NTN4: variants seen among roughly 807,000 people sequenced by gnomAD.
The protein encoded by NTN4 is netrin 4, also known as netrin-4.
A neutral mutation model predicts 73.6 loss-of-function variants in NTN4; 32 were observed. The ratio of observed to expected loss-of-function variants is 0.44; its 90% CI spans 0.33 to 0.58. NTN4 has a LOEUF of 0.58. Among genes scored for constraint, NTN4 ranks in the 20% least tolerant of loss-of-function variants. The probability of loss-of-function intolerance (pLI) is 0.04; values close to 1 mark genes in which losing one functional copy is unlikely to be tolerated. For missense variants in NTN4, 654 were observed against 798.3 expected (o/e 0.82, Z 2.18); for synonymous variants, 258 against 287.5 (o/e 0.90, Z 1.04).
intron 5 of NTN4, 29 bp downstream of exon 5, chr12:95,710,412 C>T: frequency 1.3e-6 from 2 of 1,579,692 alleles, no homozygotes; most frequent in Non-Finnish European, 8.7e-7. Context: ...ACAAATCAGC[C>T]TATTTTCTGG....
Position 95,787,073 on chromosome 12 carries a change from C to T in NTN4, c.451G>A (p.Gly151Arg). Residue 151 changes from glycine (G) to arginine (R), a missense_variant, in exon 2 of 10, where the codon GGG becomes AGG. Physicochemically the swap from Gly to Arg is moderately radical, Grantham distance 125 (BLOSUM62 -2). Transcript: ENST00000343702. ...AMVLDRSQDF[G>R]KTWKPYKYFA... is the part of the protein sequence containing the mutation. Reference sequence around the variant, plus strand: ...TACTTATAAGGCTTCCATGTTTTCCCAAAGTCCTGGGAGCGGTCCAGCACC... The same window carrying T: ...TACTTATAAGGCTTCCATGTTTTCCTAAAGTCCTGGGAGCGGTCCAGCACC... 1.2e-6 allele frequency: 2 copies of T among 1,614,184 alleles called. No homozygotes were observed. Among genetic ancestry groups the T allele is most frequent in the South Asian group, 1.1e-5 (1 of 91,086 alleles).
At chr12:95,707,167 G>A (rs975805888) in intron 5 of NTN4, among the ~76,000 whole-genome samples, 1 of 152,186 alleles carries the variant, frequency 6.6e-6, no homozygotes, top group African/African-American at 2.4e-5. Flanking sequence ...AACCCTTGCA[G>A]TGGCTCATCA....
Position 95,681,197 on chromosome 12 carries a change from A to AAG in NTN4, c.1510+1509_1510+1510insCT, listed in dbSNP as rs113701808. Among the ~76,000 whole-genome samples, 2,807 of 151,380 alleles carry AAG rather than the reference A, an allele frequency of 0.019. 194 individuals are homozygous for AAG. The East Asian group carries it at 0.25, about 14-fold the overall frequency. ...GAGTGAGACTTTGTCTCAAAAAAAA[A>AAG]AAAAAAAAAAAAGAGTAGATATCAT... On this transcript the variant is annotated intron_variant, in intron 7 of 9. Coordinates refer to ENST00000343702, the MANE Select transcript of NTN4 (RefSeq NM_021229.4).
intron 8 of NTN4, among the ~76,000 whole-genome samples, chr12:95,669,007 C>G (rs1225833355): frequency 6.6e-6 from 1 of 152,104 alleles, no homozygotes; most frequent in Middle Eastern, 3.2e-3. Flanking sequence ...GCCTGTAGTC[C>G]CAGCTACCTG....
In NTN4 at chr12:95,672,216, CGGGGGGAGGGA is replaced by C. The variant is rs2078237655; in HGVS notation, c.1511-2081_1511-2071del. On this transcript the variant is annotated intron_variant, in intron 7 of 9. Coordinates refer to ENST00000343702, the MANE Select transcript of NTN4 (RefSeq NM_021229.4). The stretch of plus-strand genomic sequence containing the variant: ...CAATGGTCGGGTTGCGGGGGGCGGG[CGGGGGGAGGGA>C]GGGGAGGCGGGGGCAGGGGGCGGGC... 8 of 451,044 alleles carry C rather than the reference CGGGGGGAGGGA, an allele frequency of 1.8e-5. No individual in the cohort carries two copies. In the Admixed American group the frequency reaches 3.3e-4, roughly 18 times the overall value. 27.9% of individuals were successfully genotyped at this position (451,044 alleles called of 1,614,324 possible).
chr12:95,672,497 G>T, intron 7 of NTN4: 1 of 1,535,854 alleles, frequency 6.5e-7, no homozygotes, highest in Non-Finnish European at 9.0e-7. Flanking sequence ...AGAGCGACCC[G>T]GACCCTCTGG....
In NTN4 at chr12:95,787,111, C is replaced by A; in HGVS notation, c.413G>T (p.Arg138Met). The A allele has an allele frequency of 6.2e-7, 1 of 1,614,192 alleles. No homozygotes were observed. Among genetic ancestry groups the A allele is most frequent in the Non-Finnish European group, 8.5e-7 (1 of 1,180,046 alleles). ...GCGGTCCAGCACCATGGCAGCCGGC[C>A]TGGGGGACTTGAACATCACAATTAG... ...THLIVMFKSP[R>M]PAAMVLDRSQ... The change falls in exon 2 of 10, where the codon AGG (arginine) becomes ATG (methionine). Residue 138 changes from arginine (R) to methionine (M), a missense_variant. Coordinates refer to ENST00000343702, the MANE Select transcript of NTN4 (RefSeq NM_021229.4).
intron 2 of NTN4, among the ~76,000 whole-genome samples, chr12:95,779,978 G>C (rs964464936): frequency 6.6e-6 from 1 of 152,058 alleles, no homozygotes; most frequent in Non-Finnish European, 1.5e-5. Flanking sequence ...CAGAACAGAG[G>C]CCTCAGAAAT....
At chr12:95,756,363 C>T (rs145993519) in intron 2 of NTN4, among the ~76,000 whole-genome samples, 30 of 152,218 alleles carry the variant, frequency 2.0e-4, no homozygotes, top group South Asian at 8.3e-4. Flanking sequence ...ATGTAGTGAA[C>T]GTTTTCTTCA....
chr12:95,738,120 G>T lies in NTN4; in HGVS notation c.610C>A (p.Pro204Thr). 1.2e-6 allele frequency: 2 copies of T among 1,613,656 alleles called. No homozygotes were observed. The highest frequency in any genetic ancestry group is 1.7e-6 in the Non-Finnish European group (2 of 1,179,702). The change falls in exon 3 of 10, where the codon CCA becomes ACA. Residue 204 changes from proline to threonine, a missense_variant. Coordinates refer to ENST00000343702, the MANE Select transcript of NTN4 (RefSeq NM_021229.4). ...CTGTAAGGGTTCTCTGTATCGTATG[G>T]TGGTGACAAAGCTTTGAAAATAACC... is the stretch of plus-strand genomic sequence containing the variant. ...GEVIFKALSP[P>T]YDTENPYSAK... is the part of the protein sequence containing the mutation.
chr12:95,682,057 C>CTTTTTT (rs557973212), intron 7 of NTN4, among the ~76,000 whole-genome samples: 15,950 of 63,892 alleles, frequency 0.25, 4,840 homozygotes, highest in African/African-American at 0.3. Flanking sequence ...ATTCAGTAGG[C>CTTTTTT]TTTTTTTTTT....
intron 9 of NTN4, among the ~76,000 whole-genome samples, chr12:95,661,994 G>C (rs1040194018): frequency 1.3e-5 from 2 of 152,136 alleles, no homozygotes; most frequent in Non-Finnish European, 2.9e-5. Context: ...AAAATCAACT[G>C]AAATTGAAGG....
At chr12:95,783,246 C>T (rs10859947) in intron 2 of NTN4, among the ~76,000 whole-genome samples, 44,368 of 152,052 alleles carry the variant, frequency 0.29, 7,003 homozygotes, top group South Asian at 0.4. Context: ...AAGATAGTAA[C>T]GAATTCTGCA....
At chr12:95,692,660 C>T (rs1247138062) in intron 5 of NTN4, among the ~76,000 whole-genome samples, 1 of 152,130 alleles carries the variant, frequency 6.6e-6, no homozygotes, top group African/African-American at 2.4e-5. Flanking sequence ...CTTGTGTGTG[C>T]ATAAGGCTCT....
chr12:95,726,390 A>C (rs2078694336), intron 3 of NTN4, among the ~76,000 whole-genome samples: 1 of 152,164 alleles, frequency 6.6e-6, no homozygotes, highest in Admixed American at 6.6e-5. Context: ...TTTTGTGTCT[A>C]GGTTTCACTT....
intron 2 of NTN4, among the ~76,000 whole-genome samples, chr12:95,780,955 A>G (rs2079128708): frequency 6.6e-6 from 1 of 152,208 alleles, no homozygotes; most frequent in Non-Finnish European, 1.5e-5. Flanking sequence ...TACACCATGG[A>G]ATACTATGCA....
chr12:95,716,542 T>C (rs1321445627), intron 3 of NTN4, among the ~76,000 whole-genome samples: 1 of 152,136 alleles, frequency 6.6e-6, no homozygotes, highest in African/African-American at 2.4e-5. Context: ...ATACTTTCTT[T>C]TCTTCTCTTT....
In NTN4 at chr12:95,659,104, T is replaced by A. The variant is rs1002758264; in HGVS notation, c.1869A>T (p.Leu623Phe). Residue 623 changes from leucine (L) to phenylalanine (F), a missense_variant, in exon 10 of 10, where the codon TTA (leucine) becomes TTT (phenylalanine). Transcript: ENST00000343702. ...PSLGRKVMDI[L>F]KRECK ...CTTAATGCTACTTGCACTCTCTTTT[T>A]AAAATATCCATGACTTTTCTTCCAA... 1.2e-6 allele frequency: 2 copies of A among 1,612,632 alleles called. No homozygotes were observed. The highest frequency in any genetic ancestry group is 1.7e-6 in the Non-Finnish European group (2 of 1,179,654).
Position 95,683,675 on chromosome 12 carries a change from G to A in NTN4, c.1217C>T (p.Pro406Leu), listed in dbSNP as rs1264521362. ...GTCGCAGAAGGTCACTGAGTTGGCA[G>A]GAAGGACAGCTGATCCTACTGGATG... is the stretch of plus-strand genomic sequence containing the variant. ...SCHPVGSAVL[P>L]ANSVTFCDPS... Residue 406 changes from proline to leucine, a missense_variant, in exon 6 of 10, where the codon CCT becomes CTT. By Grantham distance (98) the Pro-to-Leu change is moderately conservative (BLOSUM62 -3). Transcript: ENST00000343702. 6.2e-7 allele frequency: 1 copy of A among 1,612,958 alleles called. No homozygotes were observed. The highest frequency in any genetic ancestry group is 8.5e-7 in the Non-Finnish European group (1 of 1,179,456).
Sources: gnomAD v4.1 joint callset for allele counts (sites outside exome capture counted in the v4.1 genomes callset) on GRCh38, gnomAD v4.1.1 for gene constraint, MANE v1.5 for transcripts, NCBI Gene and HGNC (gene_info 2026-07-23, HGNC 2026-07-21) for gene names.